OTUD3: variants seen among roughly 807,000 people sequenced by gnomAD.
The protein encoded by OTUD3 is OTU deubiquitinase 3, also known as OTU domain-containing protein 3.
In OTUD3, 24 loss-of-function variants were observed where a neutral mutation model predicts 46.2. That is an observed-to-expected ratio of 0.52 (90% CI 0.38 to 0.73). The LOEUF is 0.73. Among genes scored for constraint, OTUD3 ranks in the 30% least tolerant of loss-of-function variants. The probability of loss-of-function intolerance (pLI) is 0.00; values close to 1 mark genes in which losing one functional copy is unlikely to be tolerated. For missense variants in OTUD3, 455 were observed against 523.3 expected (o/e 0.87, Z 1.27); for synonymous variants, 189 against 195.4 (o/e 0.97, Z 0.27).
chr1:19,895,043 T>C (rs1242244037), intron 3 of OTUD3, among the ~76,000 whole-genome samples: 2 of 152,346 alleles, frequency 1.3e-5, no homozygotes, highest in East Asian at 3.9e-4. Context: ...TAGTGAGTAT[T>C]CCTGTCATTC....
At position 19,911,857 on chromosome 1, in the gene OTUD3, T is replaced by G. The variant is rs1017777320; in HGVS notation, c.*4111T>G. The G allele has an allele frequency of 1.3e-5, 2 of 152,362 alleles. No homozygotes were observed. The highest frequency in any genetic ancestry group is 2.9e-5 in the Non-Finnish European group (2 of 68,042). The allele number at this position is 152,362 out of a possible 1,614,324, so 9.4% of individuals were successfully genotyped here. On this transcript the variant is annotated 3_prime_UTR_variant, in exon 8 of 8. Coordinates refer to ENST00000375120, the MANE Select transcript of OTUD3 (RefSeq NM_015207.2). The stretch of plus-strand genomic sequence containing the variant: ...GGATGCAGAGCTTACCGCACACCGC[T>G]GATGGGGACCTCCGGAAAGAGCGGT...
In OTUD3 at chr1:19,909,206, C is replaced by G. The variant is rs967340559; in HGVS notation, c.*1460C>G. 6.6e-6 allele frequency: 1 copy of G among 152,296 alleles called. No individual in the cohort carries two copies. The highest frequency in any genetic ancestry group is 1.5e-5 in the Non-Finnish European group (1 of 68,032). 9.4% of individuals were successfully genotyped at this position (152,296 alleles called of 1,614,324 possible). Reference sequence around the variant, plus strand: ...TGAAAACTAAAATGTTTGGTAGGCCCTGGAGTCGCCAGATTGTCTTTATCA... The same window carrying G: ...TGAAAACTAAAATGTTTGGTAGGCCGTGGAGTCGCCAGATTGTCTTTATCA... On this transcript the variant is annotated 3_prime_UTR_variant, in exon 8 of 8. Coordinates refer to ENST00000375120, the MANE Select transcript of OTUD3 (RefSeq NM_015207.2).
In OTUD3 at chr1:19,894,424, G is replaced by T; in HGVS notation, c.427G>T (p.Ala143Ser). ...FAGNDAIVAF[A>S]RNHQLNVVIH... ...TGGCAATGATGCAATTGTAGCCTTTGCAAGAAATCATCAGTTGAATGTAGT... is the reference window on the plus strand; with the variant it reads ...TGGCAATGATGCAATTGTAGCCTTTTCAAGAAATCATCAGTTGAATGTAGT... The change falls in exon 3 of 8, where the codon GCA (alanine) becomes TCA (serine). Residue 143 changes from alanine (A) to serine (S), a missense_variant. Coordinates refer to ENST00000375120, the MANE Select transcript of OTUD3 (RefSeq NM_015207.2). 1 of 1,611,494 alleles carries T rather than the reference G, an allele frequency of 6.2e-7. No homozygotes were observed.
chr1:19,884,529 C>T (rs1366479473), intron 1 of OTUD3, among the ~76,000 whole-genome samples: 1 of 152,124 alleles, frequency 6.6e-6, no homozygotes, highest in Non-Finnish European at 1.5e-5. Context: ...CTTTTTTGGT[C>T]TTAAGATCTC....
chr1:19,908,035 T>C lies in OTUD3; in HGVS notation c.*289T>C, dbSNP rs1427968192. 1 of 251,446 alleles carries C rather than the reference T, an allele frequency of 4.0e-6. No homozygotes were observed. The highest frequency in any genetic ancestry group is 2.2e-5 in the African/African-American group (1 of 45,056). 15.6% of individuals were successfully genotyped at this position (251,446 alleles called of 1,614,324 possible). On this transcript the variant is annotated 3_prime_UTR_variant, in exon 8 of 8. Coordinates refer to ENST00000375120, the MANE Select transcript of OTUD3 (RefSeq NM_015207.2). ...GTTAGGTCAGGAAAAACCTTTTAAG[T>C]GGTGGCTTTATTTGCCCTGAAAATC... is the stretch of plus-strand genomic sequence containing the variant.
chr1:19,882,546 G>T lies in OTUD3; in HGVS notation c.33G>T (p.Pro11=). Residue 11 remains proline (P), a synonymous_variant, in exon 1 of 8, where the codon CCG becomes CCT. Coordinates refer to ENST00000375120, the MANE Select transcript of OTUD3 (RefSeq NM_015207.2). The part of the protein sequence containing the change: MSRKQAAKSR[P]GSGSRKAEAE... ...GAAAGCAGGCGGCGAAGAGCCGGCC[G>T]GGCAGCGGCAGCCGGAAAGCCGAGG... The T allele has an allele frequency of 3.0e-6, 4 of 1,348,188 alleles. No homozygotes were observed. The highest frequency in any genetic ancestry group is 3.8e-6 in the Non-Finnish European group (4 of 1,058,202). The allele number at this position is 1,348,188 out of a possible 1,614,324, so 83.5% of individuals were successfully genotyped here. A position where few individuals can be genotyped will look rare whatever the true frequency, so the allele number is the denominator to read the frequency against.
intron 1 of OTUD3, among the ~76,000 whole-genome samples, chr1:19,884,326 G>A (rs1217545591): frequency 6.6e-6 from 1 of 152,148 alleles, no homozygotes; most frequent in Non-Finnish European, 1.5e-5. Context: ...AAACTCTTGA[G>A]GGGGCTTTCA....
chr1:19,902,087 A>G (rs1026792925), intron 4 of OTUD3, among the ~76,000 whole-genome samples: 2 of 152,252 alleles, frequency 1.3e-5, no homozygotes, highest in Non-Finnish European at 2.9e-5. Flanking sequence ...AGGAACTGCC[A>G]AACGGTTTTC....
intron 4 of OTUD3, among the ~76,000 whole-genome samples, chr1:19,900,850 A>G (rs1223824335): frequency 6.6e-6 from 1 of 151,936 alleles, no homozygotes; most frequent in Non-Finnish European, 1.5e-5. Context: ...TTTTTAAAAA[A>G]AACAAAATGA....
rs369324566 is a variant in OTUD3 at position 19,907,731 on chromosome 1, C to G, written c.1182C>G (p.Ala394=). ...AGGTCACCTTGGTGAAGACCTTCGC[C>G]GCTCTCAACATCTGACTCTTTGGCC... is the stretch of plus-strand genomic sequence containing the variant. The part of the protein sequence containing the change: ...NTQVTLVKTF[A]ALNI Residue 394 remains alanine (A), a synonymous_variant, in exon 8 of 8, where the codon GCC becomes GCG. Transcript: ENST00000375120. The G allele has an allele frequency of 2.2e-4, 358 of 1,614,132 alleles. 2 individuals are homozygous for G. In the South Asian group the frequency reaches 3.4e-3, roughly 15 times the overall value.
chr1:19,895,208 T>A (rs1321314588), intron 3 of OTUD3, among the ~76,000 whole-genome samples: 4 of 152,234 alleles, frequency 2.6e-5, no homozygotes, highest in Non-Finnish European at 5.9e-5. Context: ...GTGCCCTTTT[T>A]TTCATATGAC....
rs955365337 is a variant in OTUD3 at position 19,910,617 on chromosome 1, T to A, written c.*2871T>A. On this transcript the variant is annotated 3_prime_UTR_variant, in exon 8 of 8. Coordinates refer to ENST00000375120, the MANE Select transcript of OTUD3 (RefSeq NM_015207.2). ...TGAGAAATTGTGGCAGAAAGAATTT[T>A]AAATGTTAGTCGAAGTTGTCTGTAG... 1.3e-5 allele frequency: 2 copies of A among 152,390 alleles called. No homozygotes were observed. Among genetic ancestry groups the A allele is most frequent in the Non-Finnish European group, 2.9e-5 (2 of 68,042 alleles). 9.4% of individuals were successfully genotyped at this position (152,390 alleles called of 1,614,324 possible).
At chr1:19,886,330 TTTTAGCTG>T (rs2045359734) in intron 1 of OTUD3, among the ~76,000 whole-genome samples, 1 of 152,238 alleles carries the variant, frequency 6.6e-6, no homozygotes, top group Admixed American at 6.5e-5. Context: ...GAATCACTAA[TTTTAGCTG>T]TTTATCTTAT....
intron 2 of OTUD3, among the ~76,000 whole-genome samples, chr1:19,892,308 A>C (rs1021677218): frequency 3.9e-4 from 59 of 152,146 alleles, no homozygotes; most frequent in African/African-American, 1.4e-3. Flanking sequence ...TTGGCTTGTT[A>C]CATTGGTGAG....
At chr1:19,882,762 GGCGCCGGGGGAC>G in intron 1 of OTUD3, 28 bp downstream of exon 1, 3 of 1,281,502 alleles carry the variant, frequency 2.3e-6, no homozygotes, top group African/African-American at 1.6e-5. Flanking sequence ...CGAGGGAGGC[GGCGCCGGGGGAC>G]GCGCCGGGCT....
At position 19,908,072 on chromosome 1, in the gene OTUD3, A is replaced by T. The variant is rs1396630589; in HGVS notation, c.*326A>T. ...TTGCCCTGAAAATCAGACTTCAGTGACCCTAGGATCTTTCCTTAACATTTG... is the reference window on the plus strand; with the variant it reads ...TTGCCCTGAAAATCAGACTTCAGTGTCCCTAGGATCTTTCCTTAACATTTG... On this transcript the variant is annotated 3_prime_UTR_variant, in exon 8 of 8. Coordinates refer to ENST00000375120, the MANE Select transcript of OTUD3 (RefSeq NM_015207.2). 2 of 210,958 alleles carry T rather than the reference A, an allele frequency of 9.5e-6. No individual in the cohort carries two copies. The highest frequency in any genetic ancestry group is 1.9e-5 in the Non-Finnish European group (2 of 105,718). 13.1% of individuals were successfully genotyped at this position (210,958 alleles called of 1,614,324 possible). A position where few individuals can be genotyped will look rare whatever the true frequency, so the allele number is the denominator to read the frequency against.
chr1:19,888,019 C>T (rs1005127899), intron 1 of OTUD3, among the ~76,000 whole-genome samples: 3 of 152,102 alleles, frequency 2.0e-5, no homozygotes, highest in African/African-American at 4.8e-5. Flanking sequence ...AACTCAAATG[C>T]GAGACCTGCC....
At chr1:19,887,544 A>G (rs1211622789) in intron 1 of OTUD3, among the ~76,000 whole-genome samples, 1 of 152,208 alleles carries the variant, frequency 6.6e-6, no homozygotes, top group Non-Finnish European at 1.5e-5. Context: ...GTGAATTGCT[A>G]GTTATAGAAA....
rs1457156550 is a variant in OTUD3, at chr1:19,897,536, A to G, written c.484-4A>G. ...ACTGGCATGGCCCCTTCTTTTGTCT[A>G]CAGATTCGTGGTACAGAGAAAAGCA... is the stretch of plus-strand genomic sequence containing the variant. On this transcript the variant is annotated splice_polypyrimidine_tract_variant and splice_region_variant and intron_variant, in intron 3 of 7. Transcript: ENST00000375120. 5.6e-6 allele frequency: 9 copies of G among 1,613,710 alleles called. No individual in the cohort carries two copies. The highest frequency in any genetic ancestry group is 7.6e-6 in the Non-Finnish European group (9 of 1,179,886).
Sources: gnomAD v4.1 joint callset for allele counts (sites outside exome capture counted in the v4.1 genomes callset) on GRCh38, gnomAD v4.1.1 for gene constraint, MANE v1.5 for transcripts, NCBI Gene and HGNC (gene_info 2026-07-23, HGNC 2026-07-21) for gene names.